Variants in SANBR observed in about 807,000 individuals in gnomAD.
SANBR encodes the protein SANT and BTB domain regulator of CSR, also known as SANT and BTB domain regulator of class switch recombination.
In SANBR, 77 loss-of-function variants were observed where a neutral mutation model predicts 101.8. The observed-to-expected ratio is 0.76, with a 90% CI of 0.63 to 0.91. The LOEUF is 0.91. Among genes scored for constraint, SANBR ranks in the 40% least tolerant of loss-of-function variants. SANBR has a pLI of 0.00. For missense variants in SANBR, 875 were observed against 853.0 expected (o/e 1.03, Z -0.32); for synonymous variants, 279 against 274.7 (o/e 1.02, Z -0.15).
At chr2:61,101,052 C>A (rs141458385) in intron 12 of SANBR, among the ~76,000 whole-genome samples, 1 of 152,062 alleles carries the variant, frequency 6.6e-6, no homozygotes, top group Non-Finnish European at 1.5e-5. Flanking sequence ...CATTAGTTTT[C>A]TTATATTTGC....
At position 61,083,260 on chromosome 2, in the gene SANBR, T is replaced by C; in HGVS notation, c.836T>C (p.Leu279Pro). Reference sequence around the variant, plus strand: ...AATCTTCTCACACGTATAGCTGATCTGTTCTCACACAATGAAGTTGATGAT... The same window carrying C: ...AATCTTCTCACACGTATAGCTGATCCGTTCTCACACAATGAAGTTGATGAT... Reference protein sequence around the residue: ...NANLLTRIADLFSHNEVDDLK... With the variant: ...NANLLTRIADPFSHNEVDDLK... The change falls in exon 8 of 22, where the codon CTG (leucine) becomes CCG (proline). Residue 279 changes from leucine to proline, a missense_variant. Physicochemically the swap from Leu to Pro is moderately conservative, Grantham distance 98 (BLOSUM62 -3). Coordinates refer to ENST00000402291, the MANE Select transcript of SANBR (RefSeq NM_001129993.3). 2 of 1,611,170 alleles carry C rather than the reference T, an allele frequency of 1.2e-6. No homozygotes were observed. The highest frequency in any genetic ancestry group is 1.7e-6 in the Non-Finnish European group (2 of 1,177,384).
intron 17 of SANBR, 144 bp downstream of exon 17, chr2:61,116,214 C>G: frequency 1.7e-6 from 1 of 576,604 alleles, no homozygotes; most frequent in Non-Finnish European, 3.1e-6. Context: ...GATTAAAGAT[C>G]TCTAAGATAT....
rs548589040 is a variant in SANBR, at chr2:61,100,167, C to T, written c.1365+2315C>T. On this transcript the variant is annotated intron_variant, in intron 12 of 21. Transcript: ENST00000402291. The stretch of plus-strand genomic sequence containing the variant: ...TTGCCCCGGCTGGAATGCAATGGCA[C>T]GATCTCAGCTCACTGCAACCTCTGC... Among the ~76,000 whole-genome samples the T allele has an allele frequency of 2.0e-5, 3 of 152,268 alleles. 1 individual carries two copies. Among genetic ancestry groups the T allele is most frequent in the East Asian group, 1.9e-4 (1 of 5,184 alleles).
intron 21 of SANBR, 104 bp from the exon 22 acceptor site, chr2:61,122,021 AT>A (rs1325601938): frequency 2.8e-6 from 4 of 1,436,420 alleles, no homozygotes; most frequent in Non-Finnish European, 3.7e-6. Context: ...CTGCAAGAAG[AT>A]TTATTAAACC....
At chr2:61,111,693 TCCCC>T (rs1223748769) in intron 16 of SANBR, among the ~76,000 whole-genome samples, 2 of 152,192 alleles carry the variant, frequency 1.3e-5, no homozygotes, top group Non-Finnish European at 2.9e-5. Context: ...AGTTCCTTCG[TCCCC>T]CTTTGTACTC....
chr2:61,076,626 TAAAAAAA>T (rs1236468990), intron 5 of SANBR, among the ~76,000 whole-genome samples: 2 of 119,032 alleles, frequency 1.7e-5, no homozygotes, highest in African/African-American at 6.3e-5. Context: ...AGACTCCGTC[TAAAAAAA>T]AAAAAAAAAG....
chr2:61,112,950 T>A (rs1042329435), intron 16 of SANBR, among the ~76,000 whole-genome samples: 7 of 152,228 alleles, frequency 4.6e-5, no homozygotes, highest in Non-Finnish European at 1.0e-4. Flanking sequence ...CTTCTAGAAG[T>A]TGTATGATTT....
intron 10 of SANBR, among the ~76,000 whole-genome samples, chr2:61,092,170 A>G (rs1269560963): frequency 6.6e-6 from 1 of 152,234 alleles, no homozygotes; most frequent in Non-Finnish European, 1.5e-5. Flanking sequence ...TGGTATTCAA[A>G]TCATTCATAC....
chr2:61,121,610 C>A, intron 21 of SANBR: 1 of 185,754 alleles, frequency 5.4e-6, no homozygotes, highest in Non-Finnish European at 1.1e-5. Context: ...TTATATAAAT[C>A]ACTGTAATCT....
chr2:61,117,746 T>C (rs952895344), intron 19 of SANBR, among the ~76,000 whole-genome samples: 1 of 152,238 alleles, frequency 6.6e-6, no homozygotes, highest in Non-Finnish European at 1.5e-5. Context: ...TCTGTGGTTT[T>C]GAGATCATTC....
chr2:61,084,907 T>C (rs1216174205), intron 8 of SANBR, among the ~76,000 whole-genome samples: 1 of 152,074 alleles, frequency 6.6e-6, no homozygotes, highest in Non-Finnish European at 1.5e-5. Flanking sequence ...ATGAATGTAA[T>C]GATGTGGGGA....
chr2:61,071,734 T>C lies in SANBR; in HGVS notation c.279T>C (p.Leu93=), dbSNP rs747543849. The C allele has an allele frequency of 4.4e-6, 7 of 1,605,818 alleles. No homozygotes were observed. The highest frequency in any genetic ancestry group is 3.5e-5 in the Admixed American group (2 of 57,584). The change falls in exon 4 of 22, where the codon CTT becomes CTC. Residue 93 remains leucine, a synonymous_variant. Coordinates refer to ENST00000402291, the MANE Select transcript of SANBR (RefSeq NM_001129993.3). Reference sequence around the variant, plus strand: ...CCACATATATCAAATCCTCACTTCTTGACATACATGGAGAATTTCAGGAGA... The same window carrying C: ...CCACATATATCAAATCCTCACTTCTCGACATACATGGAGAATTTCAGGAGA... The part of the protein sequence containing the change: ...TLATYIKSSL[L]DIHGEFQETP...
At chr2:61,087,467 GA>G (rs1682497198) in intron 8 of SANBR, among the ~76,000 whole-genome samples, 1 of 151,910 alleles carries the variant, frequency 6.6e-6, no homozygotes, top group Non-Finnish European at 1.5e-5. Context: ...GCTGATGTGG[GA>G]GATCACCTGA....
In SANBR at chr2:61,120,110, T is replaced by A. The variant is rs149664868; in HGVS notation, c.2029-1075T>A. Reference sequence around the variant, plus strand: ...ACATTCCCTCACCATACAGATCAATTCACACATTTTTATAATAGCTTTATT... The same window carrying A: ...ACATTCCCTCACCATACAGATCAATACACACATTTTTATAATAGCTTTATT... On this transcript the variant is annotated intron_variant, in intron 20 of 21. Transcript: ENST00000402291. 2.8e-3 allele frequency among the ~76,000 whole-genome samples: 424 copies of A among 152,288 alleles called. 2 individuals are homozygous for A. Among genetic ancestry groups the A allele is most frequent in the African/African-American group, 9.5e-3 (394 of 41,556 alleles).
intron 11 of SANBR, among the ~76,000 whole-genome samples, chr2:61,097,085 C>T (rs924378614): frequency 1.2e-4 from 18 of 152,056 alleles, no homozygotes; most frequent in African/African-American, 3.6e-4. Context: ...ATCTGGGAGG[C>T]GGAGGTAGCA....
chr2:61,104,174 G>C (rs1395809213), intron 13 of SANBR, among the ~76,000 whole-genome samples, 176 bp downstream of exon 13: 1 of 152,046 alleles, frequency 6.6e-6, no homozygotes, highest in South Asian at 2.1e-4. Flanking sequence ...TTATATGATA[G>C]GCAGCACACT....
intron 1 of SANBR, among the ~76,000 whole-genome samples, chr2:61,068,581 G>T (rs2104836279): frequency 6.6e-6 from 1 of 152,300 alleles, no homozygotes; most frequent in Middle Eastern, 3.4e-3. Context: ...TGGAGCCATA[G>T]GTTGCACACT....
intron 1 of SANBR, among the ~76,000 whole-genome samples, chr2:61,067,229 T>C (rs1681223488): frequency 6.6e-6 from 1 of 152,130 alleles, no homozygotes. Flanking sequence ...CAGAAAAACT[T>C]TTTTCTCATT....
At chr2:61,131,965 G>C (rs894642221) in intron 20 of SANBR, among the ~76,000 whole-genome samples, 6 of 152,304 alleles carry the variant, frequency 3.9e-5, no homozygotes, top group Admixed American at 3.9e-4. Flanking sequence ...AGCTAGACAG[G>C]CTAATGCAAA....
Sources: gnomAD v4.1 joint callset for allele counts (sites outside exome capture counted in the v4.1 genomes callset) on GRCh38, gnomAD v4.1.1 for gene constraint, MANE v1.5 for transcripts, NCBI Gene and HGNC (gene_info 2026-07-23, HGNC 2026-07-21) for gene names.